Variants in SEMA5A observed in about 807,000 individuals in gnomAD.
SEMA5A encodes the protein semaphorin 5A.
A neutral mutation model predicts 135.5 loss-of-function variants in SEMA5A; 55 were observed. That is an observed-to-expected ratio of 0.41 (90% CI 0.33 to 0.51). SEMA5A has a LOEUF of 0.51. Among genes scored for constraint, SEMA5A ranks in the 20% least tolerant of loss-of-function variants. The pLI, the probability that SEMA5A is intolerant of heterozygous loss-of-function variation, is 0.37. For synonymous variants in SEMA5A, 580 were observed against 546.5 expected (o/e 1.06, Z -0.85); for missense variants, 1,290 against 1,419.9 (o/e 0.91, Z 1.47).
chr5:9,293,097 C>A (rs535754544), intron 5 of SEMA5A, among the ~76,000 whole-genome samples: 1 of 152,120 alleles, frequency 6.6e-6, no homozygotes, highest in Non-Finnish European at 1.5e-5. Flanking sequence ...ACACTGAATA[C>A]CTTGTGATGG....
intron 15 of SEMA5A, among the ~76,000 whole-genome samples, chr5:9,111,580 G>GT (rs1560927073): frequency 2.0e-5 from 3 of 152,106 alleles, no homozygotes; most frequent in Non-Finnish European, 4.4e-5. Context: ...AACCTGCCTT[G>GT]TTTTTTTCTC....
rs756659666 is a variant in SEMA5A, at chr5:9,036,338, T to G, written c.*6559A>C. 14 of 152,232 alleles carry G rather than the reference T, an allele frequency of 9.2e-5. No individual in the cohort carries two copies. The highest frequency in any genetic ancestry group is 1.8e-4 in the Non-Finnish European group (12 of 68,046). 9.4% of individuals were successfully genotyped at this position (152,232 alleles called of 1,614,324 possible). ...CCCAAATTAAGAGTGACAACTTTTG[T>G]GAACTTGTGAAGCAGTTTTGATATA... On this transcript the variant is annotated 3_prime_UTR_variant, in exon 23 of 23. Transcript: ENST00000382496.
chr5:9,051,826 A>G (rs760893016), intron 20 of SEMA5A, 47 bp downstream of exon 20: 2 of 1,610,126 alleles, frequency 1.2e-6, no homozygotes, highest in South Asian at 2.2e-5. Flanking sequence ...TTCTCTCTCC[A>G]TGTTGGAAAT....
chr5:9,536,612 C>T (rs1188194291), intron 1 of SEMA5A, among the ~76,000 whole-genome samples: 1 of 114,220 alleles, frequency 8.8e-6, no homozygotes, highest in African/African-American at 3.1e-5. Flanking sequence ...GACTCCGTCT[C>T]AAAAAAGAAA....
intron 4 of SEMA5A, among the ~76,000 whole-genome samples, chr5:9,325,591 G>A (rs1281650278): frequency 6.7e-6 from 1 of 150,184 alleles, no homozygotes; most frequent in African/African-American, 2.5e-5. Flanking sequence ...GAGCAGTGGG[G>A]ACCTTAATAG....
At chr5:9,324,657 C>T (rs957618215) in intron 4 of SEMA5A, among the ~76,000 whole-genome samples, 1 of 152,160 alleles carries the variant, frequency 6.6e-6, no homozygotes, top group African/African-American at 2.4e-5. Context: ...AGAAAACCTT[C>T]TAAAGGGGAT....
At chr5:9,450,379 G>T (rs1283304550) in intron 1 of SEMA5A, among the ~76,000 whole-genome samples, 5 of 152,214 alleles carry the variant, frequency 3.3e-5, no homozygotes, top group Non-Finnish European at 7.3e-5. Flanking sequence ...CAGGCCAGTT[G>T]CTAAGTATAC....
intron 11 of SEMA5A, among the ~76,000 whole-genome samples, chr5:9,159,327 A>G (rs909614254): frequency 6.6e-6 from 1 of 152,238 alleles, no homozygotes; most frequent in African/African-American, 2.4e-5. Flanking sequence ...ACAGACTGAA[A>G]CAGGGGAAGA....
At chr5:9,052,081 A>G in intron 19 of SEMA5A, 53 bp from the exon 20 acceptor site, 1 of 1,479,658 alleles carries the variant, frequency 6.8e-7, no homozygotes, top group Non-Finnish European at 9.0e-7. Context: ...AAGCTCAATC[A>G]TCCTAGACTC....
At chr5:9,250,878 G>T (rs1748736360) in intron 5 of SEMA5A, among the ~76,000 whole-genome samples, 1 of 152,104 alleles carries the variant, frequency 6.6e-6, no homozygotes, top group South Asian at 2.1e-4. Context: ...AAGAAAAATA[G>T]ACTAACAAAT....
At chr5:9,185,285 A>G (rs10475458) in intron 11 of SEMA5A, among the ~76,000 whole-genome samples, 17,060 of 152,162 alleles carry the variant, frequency 0.11, 1,648 homozygotes, top group African/African-American at 0.24. Context: ...CCTTGGGGCT[A>G]GGGGAAGAGA....
At position 9,276,924 on chromosome 5, in the gene SEMA5A, A is replaced by G. The variant is rs528197736; in HGVS notation, c.271-39034T>C. On this transcript the variant is annotated intron_variant, in intron 5 of 22. Transcript: ENST00000382496. ...TGGGCAAAGACTTCATGACTAAAAC[A>G]CCAAAAGCAATGGCAACAAAAGCCA... Among the ~76,000 whole-genome samples the G allele has an allele frequency of 3.0e-4, 45 of 152,346 alleles. No individual in the cohort carries two copies. The South Asian group carries it at 9.3e-3, about 32-fold the overall frequency.
chr5:9,065,000 AAG>A (rs1737386360), intron 17 of SEMA5A, among the ~76,000 whole-genome samples: 1 of 152,336 alleles, frequency 6.6e-6, no homozygotes, highest in African/African-American at 2.4e-5. Context: ...TAAATACAGC[AAG>A]AGTTTACAAA....
At chr5:9,370,214 T>C (rs1000567068) in intron 3 of SEMA5A, among the ~76,000 whole-genome samples, 1 of 152,200 alleles carries the variant, frequency 6.6e-6, no homozygotes, top group East Asian at 1.9e-4. Context: ...CAACCGTTAA[T>C]CACCTTCTGA....
chr5:9,310,824 C>T (rs1277264313), intron 5 of SEMA5A, among the ~76,000 whole-genome samples: 7 of 128,638 alleles, frequency 5.4e-5, no homozygotes, highest in Non-Finnish European at 1.2e-4. Context: ...TATGAACACA[C>T]ATATGTATAT....
At chr5:9,171,108 A>T (rs1227652139) in intron 11 of SEMA5A, among the ~76,000 whole-genome samples, 1 of 152,142 alleles carries the variant, frequency 6.6e-6, no homozygotes, top group Non-Finnish European at 1.5e-5. Flanking sequence ...AGATGCCTAC[A>T]CCTCCATCAA....
intron 10 of SEMA5A, among the ~76,000 whole-genome samples, chr5:9,194,072 A>C (rs564406556): frequency 2.6e-5 from 4 of 151,856 alleles, no homozygotes; most frequent in Admixed American, 6.5e-5. Context: ...TCAAAGCTGC[A>C]CAGAAAATTC....
chr5:9,409,934 T>C (rs1486491292), intron 2 of SEMA5A, among the ~76,000 whole-genome samples: 1 of 150,358 alleles, frequency 6.7e-6, no homozygotes, highest in Non-Finnish European at 1.5e-5. Context: ...AGTAAATCTT[T>C]TACTGAGGGT....
intron 13 of SEMA5A, among the ~76,000 whole-genome samples, chr5:9,127,267 G>C (rs1698149031): frequency 6.6e-6 from 1 of 152,166 alleles, no homozygotes; most frequent in South Asian, 2.1e-4. Flanking sequence ...GGATGCTATG[G>C]AGGTCAAAGC....
Sources: allele counts gnomAD v4.1 joint callset (sites outside exome capture counted in the v4.1 genomes callset), GRCh38; gene constraint gnomAD v4.1.1; transcripts MANE v1.5; gene names NCBI Gene and HGNC (gene_info 2026-07-23, HGNC 2026-07-21).